The following RBMS3 variants were observed in gnomAD, a reference collection of about 807,000 sequenced individuals.
The protein encoded by RBMS3 is RNA binding motif single stranded interacting protein 3.
Under a neutral mutation model 66.8 loss-of-function variants are expected in RBMS3, and 27 were observed. That is an observed-to-expected ratio of 0.40 (90% CI 0.30 to 0.56). RBMS3 has a LOEUF of 0.56. RBMS3 is among the 20% of genes least tolerant of loss of function. The pLI, the probability that RBMS3 is intolerant of heterozygous loss-of-function variation, is 0.40. For missense variants in RBMS3, 513 were observed against 549.5 expected (o/e 0.93, Z 0.66); for synonymous variants, 188 against 183.0 (o/e 1.03, Z -0.22).
At chr3:29,853,423 C>CTTTTATTTTTTTTTTTTT (rs2058987482) in intron 6 of RBMS3, among the ~76,000 whole-genome samples, 1 of 84,542 alleles carries the variant, frequency 1.2e-5, no homozygotes, top group African/African-American at 5.4e-5. Context: ...AATTTACTTT[C>CTTTTATTTTTTTTTTTTT]TTTTTTTTTT....
intron 1 of RBMS3, among the ~76,000 whole-genome samples, chr3:29,283,650 C>T (rs981418176): frequency 2.0e-5 from 3 of 152,268 alleles, no homozygotes; most frequent in Non-Finnish European, 2.9e-5. Context: ...ACTTCTGGAA[C>T]ATTTTTAAAG....
intron 12 of RBMS3, among the ~76,000 whole-genome samples, chr3:29,951,645 G>A (rs1385514756): frequency 6.6e-6 from 1 of 151,582 alleles, no homozygotes; most frequent in Non-Finnish European, 1.5e-5. Context: ...ACTTTTTGAA[G>A]TATCATTAAT....
chr3:29,338,508 T>C (rs1366053875), intron 1 of RBMS3, among the ~76,000 whole-genome samples: 1 of 152,114 alleles, frequency 6.6e-6, no homozygotes, highest in Non-Finnish European at 1.5e-5. Context: ...TTGTAAGAAA[T>C]GCAAATTCTC....
intron 14 of RBMS3, among the ~76,000 whole-genome samples, chr3:29,992,189 T>C (rs562324221): frequency 6.6e-6 from 1 of 152,322 alleles, no homozygotes; most frequent in South Asian, 2.1e-4. Context: ...TAAAATAATT[T>C]TTCTTATTAA....
chr3:29,457,762 A>G (rs9310900), intron 2 of RBMS3, among the ~76,000 whole-genome samples: 44,318 of 151,668 alleles, frequency 0.29, 6,609 homozygotes, highest in Admixed American at 0.4. Flanking sequence ...TATAAAGACA[A>G]TTAAATACAG....
At chr3:29,304,409 C>T (rs760116443) in intron 1 of RBMS3, among the ~76,000 whole-genome samples, 4 of 151,916 alleles carry the variant, frequency 2.6e-5, no homozygotes, top group Non-Finnish European at 5.9e-5. Context: ...CACTAGGAGA[C>T]TATATCTGTA....
chr3:29,678,127 G>A (rs2051330394), intron 4 of RBMS3, among the ~76,000 whole-genome samples: 1 of 152,116 alleles, frequency 6.6e-6, no homozygotes, highest in Admixed American at 6.5e-5. Flanking sequence ...CTCAGCTCTG[G>A]TTAGGCCTGT....
At chr3:29,384,512 GAA>G (rs1279320774) in intron 1 of RBMS3, among the ~76,000 whole-genome samples, 2 of 151,610 alleles carry the variant, frequency 1.3e-5, no homozygotes, top group African/African-American at 2.4e-5. Context: ...GACATGATTT[GAA>G]AAAGAGTAGT....
chr3:29,459,857 A>G (rs2042316277), intron 2 of RBMS3, among the ~76,000 whole-genome samples: 1 of 152,230 alleles, frequency 6.6e-6, no homozygotes, highest in African/African-American at 2.4e-5. Flanking sequence ...GAACTGAGGG[A>G]ACCATAGAAT....
chr3:29,864,534 G>A lies in RBMS3; in HGVS notation c.638-4324G>A, dbSNP rs138758490. On this transcript the variant is annotated intron_variant, in intron 6 of 14. Transcript: ENST00000383767. ...ATAGTTGCAAGTTCTGTATGTTGAC[G>A]AAGCCTCTATGGAGTTAAAATGGAA... Among the ~76,000 whole-genome samples, 16 of 152,108 alleles carry A rather than the reference G, an allele frequency of 1.1e-4. No individual in the cohort carries two copies. The East Asian group carries it at 2.1e-3, about 20-fold the overall frequency.
At chr3:29,412,852 A>G (rs755399755) in intron 1 of RBMS3, among the ~76,000 whole-genome samples, 3 of 152,150 alleles carry the variant, frequency 2.0e-5, no homozygotes, top group Non-Finnish European at 4.4e-5. Context: ...GAGGAGGTGA[A>G]ATTTGAATCC....
At chr3:29,415,743 G>A (rs181500592) in intron 1 of RBMS3, among the ~76,000 whole-genome samples, 136 of 152,014 alleles carry the variant, frequency 8.9e-4, no homozygotes, top group Non-Finnish European at 1.6e-3. Context: ...GCAGGACTTG[G>A]GGCCTGGCTA....
chr3:29,298,539 A>G (rs2033448577), intron 1 of RBMS3, among the ~76,000 whole-genome samples: 1 of 151,946 alleles, frequency 6.6e-6, no homozygotes, highest in Non-Finnish European at 1.5e-5. Context: ...TTTCAATTAT[A>G]AAGATACTAA....
At chr3:29,323,719 C>G (rs1330907663) in intron 1 of RBMS3, among the ~76,000 whole-genome samples, 1 of 150,688 alleles carries the variant, frequency 6.6e-6, no homozygotes, top group Non-Finnish European at 1.5e-5. Context: ...CACACACACA[C>G]ACACACACCC....
intron 11 of RBMS3, among the ~76,000 whole-genome samples, chr3:29,939,405 C>A (rs1326097697): frequency 6.6e-6 from 1 of 151,818 alleles, no homozygotes; most frequent in East Asian, 1.9e-4. Context: ...AGAGGTGGTG[C>A]CTTTGGCAGC....
At chr3:29,455,044 C>A (rs778439999) in intron 2 of RBMS3, among the ~76,000 whole-genome samples, 11 of 152,170 alleles carry the variant, frequency 7.2e-5, no homozygotes, top group Non-Finnish European at 1.5e-4. Flanking sequence ...TTTACTCCAT[C>A]TCCCTCCCTA....
At chr3:29,533,121 T>C (rs919856842) in intron 3 of RBMS3, among the ~76,000 whole-genome samples, 6 of 152,332 alleles carry the variant, frequency 3.9e-5, no homozygotes, top group South Asian at 4.1e-4. Context: ...AAATGGTCGA[T>C]AGAAATTTCT....
At chr3:29,354,486 G>A (rs1188697239) in intron 1 of RBMS3, among the ~76,000 whole-genome samples, 3 of 151,844 alleles carry the variant, frequency 2.0e-5, no homozygotes, top group African/African-American at 7.3e-5. Context: ...ATACATACGT[G>A]TGTGTGTGTG....
intron 1 of RBMS3, among the ~76,000 whole-genome samples, chr3:29,357,871 C>T (rs1451172661): frequency 2.0e-5 from 3 of 152,068 alleles, no homozygotes. Context: ...CTGTTCATAT[C>T]CTTCACCCAC....
Sources: gnomAD v4.1 joint callset for allele counts (sites outside exome capture counted in the v4.1 genomes callset) on GRCh38, gnomAD v4.1.1 for gene constraint, MANE v1.5 for transcripts, NCBI Gene and HGNC (gene_info 2026-07-23, HGNC 2026-07-21) for gene names.